Variants in FMN1 observed in about 807,000 individuals in gnomAD.
FMN1 encodes the protein formin-1.
In FMN1, 110 loss-of-function variants were observed where a neutral mutation model predicts 132.4. The observed-to-expected ratio is 0.83, with a 90% CI of 0.71 to 0.97. The LOEUF is 0.97. FMN1 is among the 50% of genes least tolerant of loss of function. FMN1 has a pLI of 0.00. For missense variants in FMN1, 1,792 were observed against 1,705.3 expected, an observed-to-expected ratio of 1.05 and a Z score of -0.90; for synonymous variants, 722 against 651.7, an observed-to-expected ratio of 1.11 and a Z score of -1.64.
At chr15:32,926,916 C>A (rs953721332) in intron 9 of FMN1, among the ~76,000 whole-genome samples, 5 of 152,090 alleles carry the variant, frequency 3.3e-5, no homozygotes, top group African/African-American at 1.2e-4. Context: ...TTCAGAGTAG[C>A]TGGGATCACA....
At chr15:32,976,612 A>G (rs985676108) in intron 7 of FMN1, among the ~76,000 whole-genome samples, 1 of 152,246 alleles carries the variant, frequency 6.6e-6, no homozygotes, top group Non-Finnish European at 1.5e-5. Context: ...TAAGCACATC[A>G]AGTTACAACC....
At chr15:33,171,433 T>C (rs1474883776) in intron 3 of FMN1, among the ~76,000 whole-genome samples, 1 of 152,190 alleles carries the variant, frequency 6.6e-6, no homozygotes, top group African/African-American at 2.4e-5. Context: ...GACTTAATCA[T>C]TACACATTCT....
chr15:32,964,813 A>G (rs1483167648), intron 8 of FMN1, among the ~76,000 whole-genome samples: 1 of 152,214 alleles, frequency 6.6e-6, no homozygotes, highest in Non-Finnish European at 1.5e-5. Context: ...CTATTTTAAA[A>G]TACATGATTC....
At chr15:32,804,205 T>C in intron 18 of FMN1, 76 bp downstream of exon 18, 2 of 1,048,152 alleles carry the variant, frequency 1.9e-6, no homozygotes, top group Admixed American at 4.7e-5. Flanking sequence ...CATAGCAAAA[T>C]GAATGCACTT....
chr15:33,192,394 A>T (rs1195092076), intron 2 of FMN1, among the ~76,000 whole-genome samples: 1 of 152,176 alleles, frequency 6.6e-6, no homozygotes, highest in Non-Finnish European at 1.5e-5. Context: ...GTCCTATGGG[A>T]CCCCATTCCC....
At position 32,906,387 on chromosome 15, in the gene FMN1, G is replaced by A. The variant is rs147263781; in HGVS notation, c.3377+2103C>T. 1.6e-3 allele frequency among the ~76,000 whole-genome samples: 247 copies of A among 152,326 alleles called. 1 individual carries two copies. The highest frequency in any genetic ancestry group is 2.5e-3 in the Non-Finnish European group (168 of 68,020). On this transcript the variant is annotated intron_variant, in intron 12 of 20. Transcript: ENST00000616417. ...AATGACATGAAATTCAAATTTCAGT[G>A]TTCATAAGTAAAATGTCATTGGGGC...
chr15:32,804,495 C>T lies in FMN1; in HGVS notation c.3929-163G>A, dbSNP rs1356014533. On this transcript the variant is annotated intron_variant, in intron 17 of 20. Transcript: ENST00000616417. ...TGTCCTGGCAATAACACTCAATTTG[C>T]TTTATTTGCTACCACTGCTTTTTTT... Among the ~76,000 whole-genome samples, 8 of 118,690 alleles carry T rather than the reference C, an allele frequency of 6.7e-5. No individual in the cohort carries two copies. In the South Asian group the frequency reaches 2.1e-3, roughly 31 times the overall value. The allele number at this position is 118,690 out of a possible 152,430, so 77.9% of individuals were successfully genotyped here.
chr15:32,853,535 G>A (rs897699665), intron 17 of FMN1, among the ~76,000 whole-genome samples: 1 of 152,140 alleles, frequency 6.6e-6, no homozygotes, highest in Admixed American at 6.5e-5. Context: ...CCTATCTGTG[G>A]CAAATGGAAA....
At chr15:32,825,655 T>C (rs565261734) in intron 17 of FMN1, among the ~76,000 whole-genome samples, 82 of 152,370 alleles carry the variant, frequency 5.4e-4, no homozygotes, top group South Asian at 1.2e-3. Flanking sequence ...TCTGTCCTGT[T>C]CATGACTATA....
intron 6 of FMN1, among the ~76,000 whole-genome samples, chr15:33,028,152 T>TA (rs1402293771): frequency 6.6e-6 from 1 of 152,200 alleles, no homozygotes; most frequent in African/African-American, 2.4e-5. Flanking sequence ...GCCCTAGACA[T>TA]AGACTTAATT....
At chr15:33,065,758 TTCTA>T (rs2037695758) in intron 5 of FMN1, among the ~76,000 whole-genome samples, 1 of 152,152 alleles carries the variant, frequency 6.6e-6, no homozygotes, top group Non-Finnish European at 1.5e-5. Context: ...AAGCAAGAAA[TTCTA>T]TTTATTGTTC....
intron 6 of FMN1, among the ~76,000 whole-genome samples, chr15:33,057,460 T>A (rs1170123931): frequency 6.6e-6 from 1 of 152,184 alleles, no homozygotes; most frequent in Admixed American, 6.5e-5. Flanking sequence ...TCATATATAT[T>A]GTCTTATCTC....
At chr15:33,069,848 T>C (rs2037915545) in intron 5 of FMN1, among the ~76,000 whole-genome samples, 1 of 152,150 alleles carries the variant, frequency 6.6e-6, no homozygotes, top group Admixed American at 6.6e-5. Context: ...ACCAGGACAC[T>C]GCAGAAAAAT....
chr15:32,970,852 A>G (rs529344025), intron 7 of FMN1: 1 of 152,256 alleles, frequency 6.6e-6, no homozygotes, highest in Admixed American at 6.5e-5. Flanking sequence ...TCTAATATTC[A>G]TTCTCAAGAG....
At chr15:33,122,178 G>A (rs942488723) in intron 4 of FMN1, among the ~76,000 whole-genome samples, 2 of 152,200 alleles carry the variant, frequency 1.3e-5, no homozygotes, top group Non-Finnish European at 2.9e-5. Context: ...ATGTTCTTAG[G>A]TGAAACCTAA....
chr15:32,975,631 A>G (rs1381324564), intron 7 of FMN1, among the ~76,000 whole-genome samples: 1 of 151,960 alleles, frequency 6.6e-6, no homozygotes, highest in Non-Finnish European at 1.5e-5. Flanking sequence ...TAAAACATCC[A>G]AATTTTTTTT....
In FMN1 at chr15:32,925,844, T is replaced by C. The variant is rs11854717; in HGVS notation, c.3226+330A>G. ...GGGAGGCCAAGGTGGGCAGATTGCA[T>C]GAGCCCAGGAGTTTGAGACCAGCCT... On this transcript the variant is annotated intron_variant, in intron 10 of 20. Transcript: ENST00000616417. Among the ~76,000 whole-genome samples, 821 of 152,292 alleles carry C rather than the reference T, an allele frequency of 5.4e-3. 8 individuals are homozygous for C. The highest frequency in any genetic ancestry group is 0.019 in the African/African-American group (795 of 41,564).
rs971751580 is a variant in FMN1, at chr15:32,874,456, A to G, written c.3835+13716T>C. ...TAATTCCAAGGTATATAATGCCTTG[A>G]AACCAAGGTGGCAAGTATTAGTTGA... On this transcript the variant is annotated intron_variant, in intron 16 of 20. Coordinates refer to ENST00000616417, the MANE Select transcript of FMN1 (RefSeq NM_001277313.2). Among the ~76,000 whole-genome samples the G allele has an allele frequency of 2.6e-5, 4 of 152,232 alleles. No homozygotes were observed. In the South Asian group the frequency reaches 8.3e-4, roughly 32 times the overall value.
rs1484834100 is a variant in FMN1, at chr15:32,770,498, GA to G, written c.*3811del. Reference sequence around the variant, plus strand: ...CTGCTACATCTCACTGCGGCCCTTAGAAAAACCGTACCAATGACTTATCTTA... The same window carrying G: ...CTGCTACATCTCACTGCGGCCCTTAGAAAACCGTACCAATGACTTATCTTA... On this transcript the variant is annotated 3_prime_UTR_variant, in exon 21 of 21. Coordinates refer to ENST00000616417, the MANE Select transcript of FMN1 (RefSeq NM_001277313.2). 1.3e-5 allele frequency: 2 copies of G among 152,194 alleles called. No homozygotes were observed. The highest frequency in any genetic ancestry group is 2.9e-5 in the Non-Finnish European group (2 of 68,038). 9.4% of individuals were successfully genotyped at this position (152,194 alleles called of 1,614,324 possible). A position where few individuals can be genotyped will look rare whatever the true frequency, so the allele number is the denominator to read the frequency against.
Sources: allele counts gnomAD v4.1 joint callset (sites outside exome capture counted in the v4.1 genomes callset), GRCh38; gene constraint gnomAD v4.1.1; transcripts MANE v1.5; gene names NCBI Gene and HGNC (gene_info 2026-07-23, HGNC 2026-07-21).